LDLRAD4: variants seen among roughly 807,000 people sequenced by gnomAD.
LDLRAD4 encodes the protein low density lipoprotein receptor class A domain containing 4, also known as low-density lipoprotein receptor class A domain-containing protein 4.
In LDLRAD4, 5 loss-of-function variants were observed where a neutral mutation model predicts 17.0. That is an observed-to-expected ratio of 0.29 (90% CI 0.15 to 0.62). The LOEUF is 0.62. Ranked by LOEUF, LDLRAD4 falls within the 20% of genes least tolerant of loss-of-function variation. The pLI is 0.84. For synonymous variants in LDLRAD4, 168 were observed against 171.8 expected (o/e 0.98, Z 0.17); for missense variants, 340 against 424.7 (o/e 0.80, Z 1.75).
chr18:13,232,520 CCG>C (rs1188443585), intron 1 of LDLRAD4, among the ~76,000 whole-genome samples: 15 of 149,802 alleles, frequency 1.0e-4, no homozygotes, highest in African/African-American at 3.8e-4. Flanking sequence ...CCACAAGCCT[CCG>C]TGTAAATCGC....
chr18:13,321,108 C>T (rs535353582), intron 1 of LDLRAD4, among the ~76,000 whole-genome samples: 1 of 152,320 alleles, frequency 6.6e-6, no homozygotes, highest in East Asian at 1.9e-4. Flanking sequence ...TGGTTAACTT[C>T]GGCCCGAGCA....
chr18:13,258,288 T>G (rs2043614728), intron 1 of LDLRAD4, among the ~76,000 whole-genome samples: 1 of 152,214 alleles, frequency 6.6e-6, no homozygotes, highest in Non-Finnish European at 1.5e-5. Context: ...TTCCGTAGTA[T>G]TTTGCTTAAC....
chr18:13,436,841 T>A (rs1342959962), intron 2 of LDLRAD4, among the ~76,000 whole-genome samples: 2 of 152,258 alleles, frequency 1.3e-5, no homozygotes, highest in African/African-American at 2.4e-5. Flanking sequence ...ATTTGGGCTG[T>A]GTTCACATGT....
At chr18:13,588,694 G>C (rs956508152) in intron 3 of LDLRAD4, among the ~76,000 whole-genome samples, 1 of 151,852 alleles carries the variant, frequency 6.6e-6, no homozygotes, top group East Asian at 1.9e-4. Context: ...ACACTTTTTG[G>C]CCTCTGTGTT....
chr18:13,483,402 A>G (rs77677357), intron 3 of LDLRAD4, among the ~76,000 whole-genome samples: 11,116 of 152,218 alleles, frequency 0.073, 521 homozygotes, highest in Non-Finnish European at 0.11. Context: ...ACCTTTGTGA[A>G]ACACTTGTGC....
At chr18:13,218,643 T>TCCCCGG (rs1225601714), upstream of LDLRAD4, 3 of 151,976 alleles carry the variant, frequency 2.0e-5, no homozygotes, top group African/African-American at 7.3e-5. Context: ...CACCGCGCGC[T>TCCCCGG]CCCCGGCCCC....
intron 3 of LDLRAD4, among the ~76,000 whole-genome samples, chr18:13,581,544 C>T (rs887380878): frequency 6.6e-6 from 1 of 152,224 alleles, no homozygotes; most frequent in Non-Finnish European, 1.5e-5. Flanking sequence ...AACTAGAGAT[C>T]ATCCAGCTAT....
intron 1 of LDLRAD4, among the ~76,000 whole-genome samples, chr18:13,377,763 G>A (rs564352687): frequency 6.6e-6 from 1 of 152,252 alleles, no homozygotes; most frequent in Non-Finnish European, 1.5e-5. Flanking sequence ...AGCGTGACCC[G>A]CCATTGAGCC....
intron 1 of LDLRAD4, among the ~76,000 whole-genome samples, chr18:13,319,001 A>G (rs917201262): frequency 2.0e-5 from 3 of 152,144 alleles, no homozygotes; most frequent in Admixed American, 6.6e-5. Context: ...GGAGCTCAGC[A>G]CTCACAGTAA....
chr18:13,545,054 C>T (rs944524674), intron 3 of LDLRAD4, among the ~76,000 whole-genome samples: 2 of 152,112 alleles, frequency 1.3e-5, no homozygotes, highest in Non-Finnish European at 2.9e-5. Context: ...TTAACGGCCA[C>T]GCAATCTAGC....
intron 1 of LDLRAD4, among the ~76,000 whole-genome samples, chr18:13,384,627 CTCTT>C (rs2085649997): frequency 6.6e-6 from 1 of 152,196 alleles, no homozygotes; most frequent in Non-Finnish European, 1.5e-5. Flanking sequence ...GTGAGATTGA[CTCTT>C]TCAGATTCCA....
At chr18:13,338,653 T>G (rs1041418740) in intron 1 of LDLRAD4, among the ~76,000 whole-genome samples, 38 of 152,356 alleles carry the variant, frequency 2.5e-4, no homozygotes, top group African/African-American at 8.9e-4. Flanking sequence ...TAAAAATCAC[T>G]GGTGGTGGCC....
intron 1 of LDLRAD4, among the ~76,000 whole-genome samples, chr18:13,244,190 T>C (rs1194701271): frequency 8.4e-6 from 1 of 119,394 alleles, no homozygotes; most frequent in Non-Finnish European, 1.6e-5. Flanking sequence ...CAATCCACCA[T>C]CCATTCATCC....
At chr18:13,320,984 A>G (rs11080642) in intron 1 of LDLRAD4, among the ~76,000 whole-genome samples, 66,589 of 152,096 alleles carry the variant, frequency 0.44, 15,889 homozygotes, top group African/African-American at 0.64. Context: ...GAGGCCAGGC[A>G]TGAATGCACT....
intron 2 of LDLRAD4, among the ~76,000 whole-genome samples, chr18:13,393,052 G>A (rs2086396071): frequency 6.6e-6 from 1 of 152,182 alleles, no homozygotes; most frequent in African/African-American, 2.4e-5. Context: ...TGCTGGGGGT[G>A]TGACTGGGCT....
At chr18:13,638,289 A>G (rs2042247579) in intron 4 of LDLRAD4, among the ~76,000 whole-genome samples, 1 of 152,192 alleles carries the variant, frequency 6.6e-6, no homozygotes, top group African/African-American at 2.4e-5. Context: ...ATAAATGAAA[A>G]TGTTTTAAAT....
intron 3 of LDLRAD4, among the ~76,000 whole-genome samples, chr18:13,455,245 G>T (rs34885076): frequency 0.36 from 54,884 of 152,086 alleles, 11,093 homozygotes; most frequent in Non-Finnish European, 0.45. Context: ...CTTTTTGGGG[G>T]CTTATGCAAA....
intron 1 of LDLRAD4, among the ~76,000 whole-genome samples, chr18:13,335,142 T>G (rs1221661380): frequency 2.0e-5 from 3 of 152,170 alleles, no homozygotes; most frequent in Admixed American, 1.3e-4. Context: ...AGTTGGTAAG[T>G]TGATGTTTTT....
At chr18:13,364,168 ATC>A (rs2083891808) in intron 1 of LDLRAD4, among the ~76,000 whole-genome samples, 1 of 152,210 alleles carries the variant, frequency 6.6e-6, no homozygotes, top group Admixed American at 6.5e-5. Flanking sequence ...ATGCAGAATC[ATC>A]TGCTCTGAAG....
Sources: gnomAD v4.1 joint callset for allele counts (sites outside exome capture counted in the v4.1 genomes callset) on GRCh38, gnomAD v4.1.1 for gene constraint, MANE v1.5 for transcripts, NCBI Gene and HGNC (gene_info 2026-07-23, HGNC 2026-07-21) for gene names.